The following PIP5K1C variants were observed in gnomAD, a reference collection of about 807,000 sequenced individuals.
The protein encoded by PIP5K1C is phosphatidylinositol 4-phosphate 5-kinase type-1 gamma.
Under a neutral mutation model 80.1 loss-of-function variants are expected in PIP5K1C, and 45 were observed. The ratio of observed to expected loss-of-function variants is 0.56; its 90% CI spans 0.44 to 0.72. PIP5K1C has a LOEUF of 0.72. PIP5K1C is among the 30% of genes least tolerant of loss of function. The pLI is 0.00. For synonymous variants in PIP5K1C, 498 were observed against 420.1 expected, an observed-to-expected ratio of 1.19 and a Z score of -2.27; for missense variants, 753 against 954.6, an observed-to-expected ratio of 0.79 and a Z score of 2.78.
In PIP5K1C at chr19:3,637,388, T is replaced by C; in HGVS notation, c.1920+1496A>G. The C allele has an allele frequency of 6.5e-7, 1 of 1,535,498 alleles. No homozygotes were observed. The highest frequency in any genetic ancestry group is 8.7e-7 in the Non-Finnish European group (1 of 1,146,734). ...GCGCCTGGTCCGGGGCCAGCGTGGC[T>C]GACCTCAATTGCAGCCGTGATTTAC... On this transcript the variant is annotated intron_variant, in intron 16 of 17. Coordinates refer to ENST00000335312, the MANE Select transcript of PIP5K1C (RefSeq NM_012398.3). The surrounding 1 kb of genome is among the most constrained non-coding windows in gnomAD (Gnocchi z 7.0).
chr19:3,691,918 G>T (rs1304255746), intron 1 of PIP5K1C, among the ~76,000 whole-genome samples: 1 of 152,144 alleles, frequency 6.6e-6, no homozygotes, highest in East Asian at 1.9e-4. Context: ...AGCCAGGCTG[G>T]CTCATACGCG....
At chr19:3,636,327 C>A (rs757403145) in intron 16 of PIP5K1C, 9 of 943,802 alleles carry the variant, frequency 9.5e-6, no homozygotes, top group Non-Finnish European at 1.1e-5. Flanking sequence ...ACCAAGGGCA[C>A]AGCCTCTTCA....
chr19:3,648,648 G>A lies in PIP5K1C; in HGVS notation c.1188C>T (p.Ile396=). The part of the protein sequence containing the change: ...RGERLLLHIG[I]IDILQSYRFI... ...ACCTGTAGGACTGCAGGATGTCGAT[G>A]ATGCCAATGTGCAGCAGCAGCCGCT... The change falls in exon 9 of 18, where the codon ATC becomes ATT. Residue 396 remains isoleucine (I), a synonymous_variant. Coordinates refer to ENST00000335312, the MANE Select transcript of PIP5K1C (RefSeq NM_012398.3). This position sits in a 1 kb window ranked among gnomAD's most constrained non-coding sequence, Gnocchi z 4.3. 1.2e-6 allele frequency: 2 copies of A among 1,613,082 alleles called. No homozygotes were observed. Among genetic ancestry groups the A allele is most frequent in the East Asian group, 2.2e-5 (1 of 44,882 alleles).
chr19:3,675,238 CA>C (rs2035322476), intron 1 of PIP5K1C, among the ~76,000 whole-genome samples: 1 of 152,174 alleles, frequency 6.6e-6, no homozygotes, highest in Admixed American at 6.5e-5. Flanking sequence ...AAGACACTTT[CA>C]AAGAGTGAAT....
chr19:3,637,805 C>A lies in PIP5K1C; in HGVS notation c.1920+1079G>T. On this transcript the variant is annotated intron_variant, in intron 16 of 17. Coordinates refer to ENST00000335312, the MANE Select transcript of PIP5K1C (RefSeq NM_012398.3). The surrounding 1 kb of genome is among the most constrained non-coding windows in gnomAD (Gnocchi z 7.0). ...ACCGAGGACCCTTCTCCCTTCTCTG[C>A]TGCCCACCTGGCAGGGCATCAGGAC... 1 of 1,534,850 alleles carries A rather than the reference C, an allele frequency of 6.5e-7. No individual in the cohort carries two copies. Among genetic ancestry groups the A allele is most frequent in the South Asian group, 1.2e-5 (1 of 84,038 alleles).
At chr19:3,643,500 A>AGACACTCCCACCTCCCC in intron 12 of PIP5K1C, 119 bp from the exon 13 acceptor site, 2 of 1,179,614 alleles carry the variant, frequency 1.7e-6, no homozygotes, top group Admixed American at 3.9e-5. Context: ...CCCGCCTCCC[A>AGACACTCCCACCTCCCC]GACACTCCCA....
intron 6 of PIP5K1C, among the ~76,000 whole-genome samples, chr19:3,656,048 G>A (rs1479431302): frequency 7.9e-5 from 12 of 152,212 alleles, no homozygotes; most frequent in Admixed American, 7.8e-4. Context: ...GGCCCCTTGG[G>A]CCTCCGTGGC....
intron 1 of PIP5K1C, among the ~76,000 whole-genome samples, chr19:3,678,126 G>T: frequency 7.1e-6 from 1 of 141,342 alleles, no homozygotes; most frequent in Non-Finnish European, 1.5e-5. Flanking sequence ...GAGAGATGGA[G>T]GGATGGAGAG....
chr19:3,657,575 C>T (rs557848716), intron 5 of PIP5K1C, among the ~76,000 whole-genome samples: 4 of 152,196 alleles, frequency 2.6e-5, no homozygotes, highest in Non-Finnish European at 5.9e-5. Flanking sequence ...GCCTCCAATG[C>T]TGCTGTGATA....
rs573857258 is a variant in PIP5K1C at position 3,631,890 on chromosome 19, C to G, written c.*1277G>C. ...AGGTGCAGCTTCCACTCCAGCTCCT[C>G]ACATCCTGGGCACATCTTGGAAGTG... On this transcript the variant is annotated 3_prime_UTR_variant, in exon 18 of 18. Transcript: ENST00000335312. 2 of 152,436 alleles carry G rather than the reference C, an allele frequency of 1.3e-5. No individual in the cohort carries two copies. Among genetic ancestry groups the G allele is most frequent in the Admixed American group, 1.3e-4 (2 of 15,314 alleles). The allele number at this position is 152,436 out of a possible 1,614,324, so 9.4% of individuals were successfully genotyped here.
In PIP5K1C at chr19:3,632,177, C is replaced by T. The variant is rs1206572208; in HGVS notation, c.*990G>A. 1 of 152,328 alleles carries T rather than the reference C, an allele frequency of 6.6e-6. No homozygotes were observed. Among genetic ancestry groups the T allele is most frequent in the Non-Finnish European group, 1.5e-5 (1 of 68,102 alleles). The allele number at this position is 152,328 out of a possible 1,614,324, so 9.4% of individuals were successfully genotyped here. ...ACAAGAAAGAGGCGGCGGACATCCACACCAGTCCTGAAGGAGACTCCTGTG... is the reference window on the plus strand; with the variant it reads ...ACAAGAAAGAGGCGGCGGACATCCATACCAGTCCTGAAGGAGACTCCTGTG... On this transcript the variant is annotated 3_prime_UTR_variant, in exon 18 of 18. Coordinates refer to ENST00000335312, the MANE Select transcript of PIP5K1C (RefSeq NM_012398.3).
intron 5 of PIP5K1C, among the ~76,000 whole-genome samples, chr19:3,660,311 C>T (rs1277910433): frequency 1.3e-5 from 2 of 151,474 alleles, no homozygotes; most frequent in Admixed American, 6.6e-5. Flanking sequence ...ACCCAGGAGG[C>T]GGAGCTTACA....
rs773454983 is a variant in PIP5K1C at position 3,653,602 on chromosome 19, G to C, written c.622-13C>G. On this transcript the variant is annotated splice_polypyrimidine_tract_variant and intron_variant, in intron 6 of 17. Coordinates refer to ENST00000335312, the MANE Select transcript of PIP5K1C (RefSeq NM_012398.3). ...TCTGGTTGAGGTTCTGCCGGGGGAA[G>C]AGGGCAAGTCGTGGAGGGCGGCTGG... The C allele has an allele frequency of 1.9e-6, 3 of 1,602,778 alleles. No individual in the cohort carries two copies. Among genetic ancestry groups the C allele is most frequent in the Admixed American group, 3.3e-5 (2 of 59,756 alleles).
intron 1 of PIP5K1C, among the ~76,000 whole-genome samples, chr19:3,698,929 G>A (rs1011919490): frequency 1.8e-4 from 12 of 67,228 alleles, no homozygotes; most frequent in African/African-American, 3.5e-4. Context: ...AGCCCTCCCC[G>A]GCCCCCCACC....
chr19:3,666,357 G>A (rs147172839), intron 2 of PIP5K1C, among the ~76,000 whole-genome samples: 1 of 152,230 alleles, frequency 6.6e-6, no homozygotes, highest in Non-Finnish European at 1.5e-5. Flanking sequence ...AAGGCCACTC[G>A]GCGCCACGGG....
chr19:3,633,267 G>C (rs1260079049), intron 17 of PIP5K1C, 98 bp from the exon 18 acceptor site: 4 of 697,004 alleles, frequency 5.7e-6, no homozygotes, highest in Non-Finnish European at 1.1e-5. Flanking sequence ...CAGGCCCTGA[G>C]ACACTTAGCC....
intron 16 of PIP5K1C, chr19:3,636,683 C>T: frequency 1.0e-6 from 1 of 985,676 alleles, no homozygotes; most frequent in East Asian, 1.1e-4. Context: ...AAGTGGTCTC[C>T]ACCTCTTGGG....
intron 1 of PIP5K1C, among the ~76,000 whole-genome samples, chr19:3,683,520 C>CA (rs1423205765): frequency 4.6e-5 from 7 of 152,250 alleles, no homozygotes; most frequent in Admixed American, 1.3e-4. Context: ...ATGGCTTAGT[C>CA]ACGCAATTGT....
rs1453106410 is a variant in PIP5K1C, at chr19:3,633,500, C to A, written c.1941G>T (p.Trp647Cys). 6.7e-7 allele frequency: 1 copy of A among 1,499,748 alleles called. No homozygotes were observed. Among genetic ancestry groups the A allele is most frequent in the Non-Finnish European group, 8.9e-7 (1 of 1,119,972 alleles). The allele number at this position is 1,499,748 out of a possible 1,614,324, so 92.9% of individuals were successfully genotyped here. ...CGCTATAGTGGAGCGGGGAGTACAC[C>A]CAGCTCCTCTCATCGGTGGGCTGGC... ...DIYFPTDERSWVYSPLHYSAQ... is the reference protein window; with the variant it reads ...DIYFPTDERSCVYSPLHYSAQ... Residue 647 changes from tryptophan to cysteine, a missense_variant, in exon 17 of 18, where the codon TGG becomes TGT. Trp to Cys is a radical substitution (Grantham distance 215). This residue lies in a region of PIP5K1C where 315 missense variants were observed against 294.5 expected (regional missense o/e 1.07). Transcript: ENST00000335312.
Sources: gnomAD v4.1 joint callset for allele counts (sites outside exome capture counted in the v4.1 genomes callset) on GRCh38, gnomAD v4.1.1 for gene constraint, gnomAD v4.1.1 regional missense constraint, Gnocchi (gnomAD v3.1) non-coding constraint, MANE v1.5 for transcripts, NCBI Gene and HGNC (gene_info 2026-07-23, HGNC 2026-07-21) for gene names.